AFF1: variants seen among roughly 807,000 people sequenced by gnomAD.
AFF1 encodes AF4/FMR2 family member 1.
In AFF1, 48 loss-of-function variants were observed where a neutral mutation model predicts 121.7. The observed-to-expected ratio is 0.39, with a 90% confidence interval of 0.31 to 0.50. The LOEUF (loss-of-function observed/expected upper bound fraction) is 0.50, where lower values mean the gene tolerates loss of function less well. Among genes scored for constraint, AFF1 ranks in the 20% least tolerant of loss-of-function variants. The probability of loss-of-function intolerance (pLI) is 0.76; values close to 1 mark genes in which losing one functional copy is unlikely to be tolerated. For synonymous variants in AFF1, 613 were observed against 563.0 expected (o/e 1.09, Z -1.26); for missense variants, 1,523 against 1,511.7 (o/e 1.01, Z -0.12).
chr4:86,990,442 A>G (rs1230879772), intron 2 of AFF1, among the ~76,000 whole-genome samples: 1 of 152,050 alleles, frequency 6.6e-6, no homozygotes, highest in African/African-American at 2.4e-5. Flanking sequence ...TTGATATCAA[A>G]GCGGTGTGAA....
intron 2 of AFF1, among the ~76,000 whole-genome samples, chr4:86,951,920 CTTTT>C (rs35412461): frequency 2.2e-5 from 3 of 138,014 alleles, no homozygotes; most frequent in African/African-American, 2.7e-5. Flanking sequence ...GGCTGGGAAC[CTTTT>C]TTTTTTTTTT....
intron 2 of AFF1, among the ~76,000 whole-genome samples, chr4:86,964,115 GGTT>G (rs1278886562): frequency 7.3e-5 from 11 of 149,706 alleles, no homozygotes; most frequent in Non-Finnish European, 1.5e-4. Context: ...ACCATGCCTG[GGTT>G]GTTCTTTTGG....
rs1333951934 is a variant in AFF1 at position 87,126,463 on chromosome 4, G to A, written c.2811+127G>A. ...ATTGCTTTTAATGAGGCAACTGTTTGTGTTTAAAATGCTACTTTTTGGAGG... is the reference window on the plus strand; with the variant it reads ...ATTGCTTTTAATGAGGCAACTGTTTATGTTTAAAATGCTACTTTTTGGAGG... On this transcript the variant is annotated intron_variant, in intron 14 of 20. Transcript: ENST00000395146. 4.7e-6 allele frequency: 4 copies of A among 853,146 alleles called. No individual in the cohort carries two copies. The East Asian group carries it at 7.5e-5, about 16-fold the overall frequency. The allele number at this position is 853,146 out of a possible 1,614,324, so 52.8% of individuals were successfully genotyped here. A position where few individuals can be genotyped will look rare whatever the true frequency, so the allele number is the denominator to read the frequency against.
chr4:86,949,923 T>C (rs1721179180), intron 2 of AFF1: 4 of 1,613,976 alleles, frequency 2.5e-6, no homozygotes, highest in East Asian at 4.5e-5. Flanking sequence ...TTCCGCGTCT[T>C]GGACCCAGCG....
chr4:86,976,025 C>T (rs892672404), intron 2 of AFF1, among the ~76,000 whole-genome samples: 40 of 151,866 alleles, frequency 2.6e-4, no homozygotes, highest in African/African-American at 8.5e-4. Flanking sequence ...AGCAGGCCTA[C>T]GAGAAGAAGT....
At chr4:87,131,948 T>A in intron 18 of AFF1, 84 bp downstream of exon 18, 1 of 1,209,054 alleles carries the variant, frequency 8.3e-7, no homozygotes, top group Non-Finnish European at 1.1e-6. Flanking sequence ...ATTTGTTTTC[T>A]TAATGTGAAA....
intron 8 of AFF1, among the ~76,000 whole-genome samples, chr4:87,095,362 G>T (rs151450): frequency 6.6e-6 from 1 of 151,976 alleles, no homozygotes; most frequent in African/African-American, 2.4e-5. Context: ...CAAGTGATCC[G>T]CCTGCCTCAG....
At chr4:86,959,220 T>C (rs909409538) in intron 2 of AFF1, among the ~76,000 whole-genome samples, 1 of 152,220 alleles carries the variant, frequency 6.6e-6, no homozygotes, top group African/African-American at 2.4e-5. Flanking sequence ...AAGATAACTC[T>C]TTTTGCTTAA....
Position 87,052,430 on chromosome 4 carries a change from C to T in AFF1, c.1059+4836C>T, listed in dbSNP as rs770140256. Among the ~76,000 whole-genome samples, 3 of 152,026 alleles carry T rather than the reference C, an allele frequency of 2.0e-5. No individual in the cohort carries two copies. The South Asian group carries it at 6.2e-4, about 32-fold the overall frequency. ...TGTCTCAACCGCTCCCTCCTCCCCC[C>T]ACACCACCACCCAAAATAAACAGAA... On this transcript the variant is annotated intron_variant, in intron 4 of 20. Coordinates refer to ENST00000395146, the MANE Select transcript of AFF1 (RefSeq NM_001166693.3).
intron 2 of AFF1, among the ~76,000 whole-genome samples, chr4:86,956,838 T>C (rs955567194): frequency 2.6e-5 from 4 of 152,252 alleles, no homozygotes; most frequent in African/African-American, 9.6e-5. Context: ...TTAGGTAGTA[T>C]CCACTTTTTT....
intron 4 of AFF1, chr4:87,047,921 C>G: frequency 3.2e-6 from 1 of 309,646 alleles, no homozygotes; most frequent in South Asian, 3.7e-5. Flanking sequence ...AAAACCCAAT[C>G]AAGAGAGAGA....
intron 12 of AFF1, 135 bp from the exon 13 acceptor site, chr4:87,124,902 C>G (rs1426347539): frequency 7.0e-6 from 4 of 569,014 alleles, no homozygotes; most frequent in Non-Finnish European, 1.2e-5. Flanking sequence ...ATGGTAAGTA[C>G]TAAGAAGGTT....
chr4:87,129,417 A>G (rs766311691), intron 16 of AFF1, among the ~76,000 whole-genome samples: 1 of 152,232 alleles, frequency 6.6e-6, no homozygotes, highest in African/African-American at 2.4e-5. Flanking sequence ...TGGCCTTATG[A>G]TATACTTATC....
At chr4:87,056,086 C>T (rs950098753) in intron 4 of AFF1, among the ~76,000 whole-genome samples, 1 of 151,916 alleles carries the variant, frequency 6.6e-6, no homozygotes, top group Non-Finnish European at 1.5e-5. Context: ...TTTCTCTCTG[C>T]ATTTTTTTTT....
At position 86,995,285 on chromosome 4, in the gene AFF1, C is replaced by G. The variant is rs1263299262; in HGVS notation, c.38+46714C>G. On this transcript the variant is annotated intron_variant, in intron 2 of 20. Coordinates refer to ENST00000395146, the MANE Select transcript of AFF1 (RefSeq NM_001166693.3). ...CTACCCCCTTCCCCCTCCCCCTCTC[C>G]CTCCCCCTCTCCCTCCCTCCCCCTC... Among the ~76,000 whole-genome samples the G allele has an allele frequency of 2.2e-3, 269 of 122,328 alleles. 6 individuals carry two copies. The highest frequency in any genetic ancestry group is 3.8e-3 in the Middle Eastern group (1 of 262). The allele number at this position is 122,328 out of a possible 152,430, so 80.3% of individuals were successfully genotyped here.
intron 8 of AFF1, among the ~76,000 whole-genome samples, chr4:87,098,348 C>A (rs557027267): frequency 7.9e-5 from 12 of 152,164 alleles, no homozygotes; most frequent in African/African-American, 2.9e-4. Flanking sequence ...CAATTTGCCC[C>A]TAAGTTTAAG....
At chr4:86,990,494 A>G (rs1724616262) in intron 2 of AFF1, among the ~76,000 whole-genome samples, 1 of 152,122 alleles carries the variant, frequency 6.6e-6, no homozygotes, top group Non-Finnish European at 1.5e-5. Flanking sequence ...AGAGCTGCAC[A>G]CTGAAGGGGA....
At chr4:87,120,890 A>C (rs1484797290) in intron 12 of AFF1, among the ~76,000 whole-genome samples, 6 of 152,160 alleles carry the variant, frequency 3.9e-5, no homozygotes, top group Non-Finnish European at 8.8e-5. Flanking sequence ...CTGCTTGGTG[A>C]GCTGGCTGCA....
At chr4:87,105,766 G>C (rs1239250595) in intron 9 of AFF1, 42 bp from the exon 10 acceptor site, 1 of 1,613,630 alleles carries the variant, frequency 6.2e-7, no homozygotes, top group Middle Eastern at 1.7e-4. Context: ...CCTGTTTTTT[G>C]TTCTTTTCCT....
Sources: allele counts gnomAD v4.1 joint callset (sites outside exome capture counted in the v4.1 genomes callset), GRCh38; gene constraint gnomAD v4.1.1; transcripts MANE v1.5; gene names NCBI Gene and HGNC (gene_info 2026-07-23, HGNC 2026-07-21).